B3GALT1: variants seen among roughly 807,000 people sequenced by gnomAD.
B3GALT1 encodes the protein beta-1,3-galactosyltransferase 1.
A neutral mutation model predicts 23.2 loss-of-function variants in B3GALT1; 10 were observed. The observed-to-expected ratio is 0.43, with a 90% CI of 0.27 to 0.73. The LOEUF is 0.73. Ranked by LOEUF, B3GALT1 falls within the 30% of genes least tolerant of loss-of-function variation. The pLI is 0.21. For missense variants in B3GALT1, 299 were observed against 405.4 expected, an observed-to-expected ratio of 0.74 and a Z score of 2.25; for synonymous variants, 156 against 141.5, an observed-to-expected ratio of 1.10 and a Z score of -0.73.
At chr2:167,582,852 T>C (rs901718868) in intron 2 of B3GALT1, among the ~76,000 whole-genome samples, 2 of 152,188 alleles carry the variant, frequency 1.3e-5, no homozygotes, top group Non-Finnish European at 2.9e-5. Flanking sequence ...GCACTGATCC[T>C]GGCCAGCTCT....
chr2:167,736,504 A>G (rs1405331592), intron 3 of B3GALT1, among the ~76,000 whole-genome samples: 1 of 152,214 alleles, frequency 6.6e-6, no homozygotes, highest in Non-Finnish European at 1.5e-5. Context: ...CAGTAACTCT[A>G]TCCCTCATGC....
intron 2 of B3GALT1, among the ~76,000 whole-genome samples, chr2:167,499,249 C>T (rs1353594706): frequency 2.0e-5 from 3 of 152,120 alleles, no homozygotes; most frequent in Middle Eastern, 3.2e-3. Context: ...ATACTTACAT[C>T]ATTATGTTTT....
intron 1 of B3GALT1, among the ~76,000 whole-genome samples, chr2:167,476,170 A>G (rs1022000911): frequency 6.6e-6 from 1 of 152,178 alleles, no homozygotes; most frequent in Non-Finnish European, 1.5e-5. Flanking sequence ...AATTCAACCC[A>G]TAACAACAAT....
In B3GALT1 at chr2:167,486,053, A is replaced by C. The variant is rs574332585; in HGVS notation, c.-510-4124A>C. 4.4e-4 allele frequency among the ~76,000 whole-genome samples: 67 copies of C among 152,316 alleles called. 2 individuals are homozygous for C. The South Asian group carries it at 0.014, about 31-fold the overall frequency. On this transcript the variant is annotated intron_variant, in intron 1 of 4. Coordinates refer to ENST00000392690, the MANE Select transcript of B3GALT1 (RefSeq NM_020981.4). ...ATGGATTGAAATTTGAGAAAGTCTT[A>C]AGTGCAAATATTTATGAGATTCTTC...
Position 167,574,926 on chromosome 2 carries a change from G to A in B3GALT1, c.-409-71983G>A, listed in dbSNP as rs375305649. Among the ~76,000 whole-genome samples, 17 of 151,788 alleles carry A rather than the reference G, an allele frequency of 1.1e-4. 1 individual carries two copies. The South Asian group carries it at 3.5e-3, about 31-fold the overall frequency. ...CTTCAACTAAGGGCTTTTAAACCGT[G>A]TCTCCCCTAACATCCTGTGCTTATG... On this transcript the variant is annotated intron_variant, in intron 2 of 4. Transcript: ENST00000392690.
intron 3 of B3GALT1, among the ~76,000 whole-genome samples, chr2:167,688,335 T>C (rs1335531866): frequency 1.3e-5 from 2 of 152,146 alleles, no homozygotes; most frequent in East Asian, 3.8e-4. Context: ...ATGTGAGAAT[T>C]TTCTGCCAAA....
At chr2:167,465,375 C>T (rs557313671) in intron 1 of B3GALT1, among the ~76,000 whole-genome samples, 5 of 152,142 alleles carry the variant, frequency 3.3e-5, no homozygotes, top group East Asian at 3.9e-4. Context: ...TTGGGTAATT[C>T]GTAAATTATA....
chr2:167,865,104 G>T (rs1026366003), intron 4 of B3GALT1, among the ~76,000 whole-genome samples: 2 of 152,078 alleles, frequency 1.3e-5, no homozygotes, highest in African/African-American at 4.8e-5. Context: ...ACGCGGAAAA[G>T]TATCAGATAA....
At chr2:167,539,921 TTCTC>T (rs948139234) in intron 2 of B3GALT1, among the ~76,000 whole-genome samples, 4 of 152,160 alleles carry the variant, frequency 2.6e-5, no homozygotes, top group African/African-American at 7.2e-5. Flanking sequence ...AATAATTTTT[TTCTC>T]TCTAACAGTT....
At chr2:167,518,850 C>T (rs986893115) in intron 2 of B3GALT1, among the ~76,000 whole-genome samples, 4 of 152,036 alleles carry the variant, frequency 2.6e-5, no homozygotes, top group Admixed American at 1.3e-4. Context: ...TTACGGTCAA[C>T]GTTCTACTGA....
At chr2:167,379,879 T>G (rs1185889323) in intron 1 of B3GALT1, among the ~76,000 whole-genome samples, 2 of 152,202 alleles carry the variant, frequency 1.3e-5, no homozygotes, top group African/African-American at 4.8e-5. Flanking sequence ...CCTAAACTTC[T>G]AACACAGGAG....
chr2:167,785,460 A>G (rs1004368), intron 3 of B3GALT1, among the ~76,000 whole-genome samples: 43,040 of 152,070 alleles, frequency 0.28, 7,449 homozygotes, highest in African/African-American at 0.48. Context: ...TCCTTGGAAA[A>G]GACCCATCTT....
At chr2:167,661,410 T>C (rs1686058279) in intron 3 of B3GALT1, among the ~76,000 whole-genome samples, 1 of 152,074 alleles carries the variant, frequency 6.6e-6, no homozygotes. Flanking sequence ...TAGAGGCTGA[T>C]TTCTTCAAAC....
chr2:167,771,599 C>T (rs190344341), intron 3 of B3GALT1, among the ~76,000 whole-genome samples: 78 of 152,252 alleles, frequency 5.1e-4, no homozygotes, highest in African/African-American at 1.5e-3. Context: ...AAACAAAAAA[C>T]AATCAAGTAT....
At chr2:167,734,985 G>A (rs116606292) in intron 3 of B3GALT1, among the ~76,000 whole-genome samples, 210 of 151,944 alleles carry the variant, frequency 1.4e-3, no homozygotes, top group African/African-American at 4.9e-3. Flanking sequence ...TTCTGCTTAT[G>A]CTGCCATCAT....
intron 1 of B3GALT1, among the ~76,000 whole-genome samples, chr2:167,331,850 A>G (rs1317601308): frequency 6.6e-6 from 1 of 152,118 alleles, no homozygotes; most frequent in Non-Finnish European, 1.5e-5. Flanking sequence ...TTTCCCTGGG[A>G]GCAGCCATAG....
At chr2:167,435,954 A>AACACACACACAC (rs66661618) in intron 1 of B3GALT1, among the ~76,000 whole-genome samples, 1 of 139,220 alleles carries the variant, frequency 7.2e-6, no homozygotes, top group Non-Finnish European at 1.6e-5. Context: ...CACACACACA[A>AACACACACACAC]ACACACACAC....
At chr2:167,846,139 C>T (rs1419216553) in intron 4 of B3GALT1, among the ~76,000 whole-genome samples, 1 of 152,032 alleles carries the variant, frequency 6.6e-6, no homozygotes, top group Non-Finnish European at 1.5e-5. Context: ...ATCCGTGTTC[C>T]TGAGGAAGAA....
chr2:167,679,562 G>A (rs532876281), intron 3 of B3GALT1, among the ~76,000 whole-genome samples: 4 of 152,382 alleles, frequency 2.6e-5, no homozygotes, highest in African/African-American at 9.6e-5. Context: ...TTTCAACATT[G>A]TTCTTAATTC....
Sources: allele counts gnomAD v4.1 joint callset (sites outside exome capture counted in the v4.1 genomes callset), GRCh38; gene constraint gnomAD v4.1.1; transcripts MANE v1.5; gene names NCBI Gene and HGNC (gene_info 2026-07-23, HGNC 2026-07-21).